The following CCNB3 variants were observed in gnomAD, a reference collection of about 807,000 sequenced individuals.
CCNB3 encodes G2/mitotic-specific cyclin-B3.
Under a neutral mutation model 68.0 loss-of-function variants are expected in CCNB3, and 12 were observed. The ratio of observed to expected loss-of-function variants is 0.18; its 90% CI spans 0.11 to 0.29. CCNB3 has a LOEUF of 0.29. Among genes scored for constraint, CCNB3 ranks in the 10% least tolerant of loss-of-function variants. CCNB3 has a pLI of 1.00. For missense variants in CCNB3, 904 were observed against 993.1 expected (o/e 0.91, Z 1.21); for synonymous variants, 354 against 388.9 (o/e 0.91, Z 1.06).
At chrX:50,345,909 T>G (rs1451580904) in intron 9 of CCNB3, among the ~76,000 whole-genome samples, 2 of 111,769 alleles carry the variant, frequency 1.8e-5, no homozygotes, top group African/African-American at 6.5e-5. Context: ...AGGGGAAAGG[T>G]GGGGGAAGAA....
chrX:50,313,967 G>A lies in CCNB3; in HGVS notation c.3516+19G>A, dbSNP rs376134289. The A allele has an allele frequency of 1.5e-5, 17 of 1,103,753 alleles. No individual in the cohort carries two copies. Among genetic ancestry groups the A allele is most frequent in the African/African-American group, 1.1e-4 (6 of 55,234 alleles). 91.0% of individuals were successfully genotyped at this position (1,103,753 alleles called of 1,213,427 possible). A position where few individuals can be genotyped will look rare whatever the true frequency, so the allele number is the denominator to read the frequency against. ...GGTGCAGGTAAGCCTGACAACTCCT[G>A]CCTTAAGGAGCTGCTGTTCTCTTTC... is the stretch of plus-strand genomic sequence containing the variant. On this transcript the variant is annotated intron_variant, in intron 8 of 12. Transcript: ENST00000376042.
chrX:50,322,294 C>T (rs1557216665), intron 8 of CCNB3, among the ~76,000 whole-genome samples: 1 of 110,693 alleles, frequency 9.0e-6, no homozygotes, highest in African/African-American at 3.3e-5. Context: ...TGATCTTTGA[C>T]AAACCTGACA....
chrX:50,315,644 G>A (rs1286424499), intron 8 of CCNB3, among the ~76,000 whole-genome samples: 1 of 111,228 alleles, frequency 9.0e-6, no homozygotes, highest in East Asian at 2.8e-4. Context: ...GATCACATTT[G>A]TAAATAAATA....
At position 50,310,039 on chromosome X, in the gene CCNB3, T is replaced by A; in HGVS notation, c.1870T>A (p.Phe624Ile). Residue 624 changes from phenylalanine to isoleucine, a missense_variant, in exon 6 of 13, where the codon TTT (phenylalanine) becomes ATT (isoleucine). Around this residue, in one of 2 missense-constraint regions of CCNB3, gnomAD observed 619 missense variants for 609.8 expected, o/e 1.02. Transcript: ENST00000376042. ...EESFYKKLLP[F>I]KMKSTTEEKF... is the part of the protein sequence containing the mutation. ...GTCATTCTATAAGAAGCTGTTGCCCTTTAAGATGAAATCTACAACGGAAGA... is the reference window on the plus strand; with the variant it reads ...GTCATTCTATAAGAAGCTGTTGCCCATTAAGATGAAATCTACAACGGAAGA... The A allele has an allele frequency of 8.3e-7, 1 of 1,209,634 alleles. No homozygotes were observed. The highest frequency in any genetic ancestry group is 1.1e-6 in the Non-Finnish European group (1 of 894,079).
chrX:50,280,176 T>C (rs1386652580), intron 1 of CCNB3, among the ~76,000 whole-genome samples: 4 of 92,597 alleles, frequency 4.3e-5, no homozygotes, highest in African/African-American at 1.2e-4. Flanking sequence ...ATATAGAATA[T>C]ATATATAAAT....
chrX:50,280,465 A>T (rs1936118498), intron 1 of CCNB3, among the ~76,000 whole-genome samples: 1 of 109,162 alleles, frequency 9.2e-6, no homozygotes. Flanking sequence ...TGGCAATAAT[A>T]CAAGGATCTT....
intron 5 of CCNB3, among the ~76,000 whole-genome samples, chrX:50,304,656 A>T (rs781914485): frequency 8.9e-6 from 1 of 112,030 alleles, no homozygotes; most frequent in South Asian, 3.8e-4. Context: ...GACAAATGGG[A>T]TCTAATTAAA....
In CCNB3 at chrX:50,311,580, T is replaced by G. The variant is rs185037732; in HGVS notation, c.3327+84T>G. 1.4e-3 allele frequency: 1,016 copies of G among 734,140 alleles called. 15 individuals are homozygous for G. The East Asian group carries it at 0.025, about 18-fold the overall frequency. The allele number at this position is 734,140 out of a possible 1,213,427, so 60.5% of individuals were successfully genotyped here. A position where few individuals can be genotyped will look rare whatever the true frequency, so the allele number is the denominator to read the frequency against. On this transcript the variant is annotated intron_variant, in intron 6 of 12. Coordinates refer to ENST00000376042, the MANE Select transcript of CCNB3 (RefSeq NM_033031.3). Reference sequence around the variant, plus strand: ...GCTGCTAGCAAAGTTGTTTTTTTTTTTTTGTTTTTGTTTTTTGTTGTTGTT... The same window carrying G: ...GCTGCTAGCAAAGTTGTTTTTTTTTGTTTGTTTTTGTTTTTTGTTGTTGTT...
chrX:50,280,161 AAT>A (rs1186478117), intron 1 of CCNB3, among the ~76,000 whole-genome samples: 5 of 91,743 alleles, frequency 5.5e-5, no homozygotes, highest in African/African-American at 1.6e-4. Context: ...AATATATATA[AAT>A]ATATATAGAA....
chrX:50,300,774 T>C (rs1463216202), intron 5 of CCNB3, among the ~76,000 whole-genome samples: 1 of 112,093 alleles, frequency 8.9e-6, no homozygotes, highest in African/African-American at 3.2e-5. Flanking sequence ...GGTACAGCAA[T>C]TAGGCGTAGA....
chrX:50,227,618 A>G (rs1935906040), intron 1 of CCNB3, among the ~76,000 whole-genome samples: 1 of 49,186 alleles, frequency 2.0e-5, no homozygotes, highest in African/African-American at 7.2e-5. Context: ...ATATATAAAT[A>G]TATATAGAGA....
intron 8 of CCNB3, among the ~76,000 whole-genome samples, chrX:50,332,543 C>T (rs1271368175): frequency 9.0e-6 from 1 of 111,570 alleles, no homozygotes; most frequent in African/African-American, 3.3e-5. Flanking sequence ...TTCGGCTGTG[C>T]GTAGACCAGT....
At position 50,226,904 on chromosome X, in the gene CCNB3, A is replaced by AATATATAGTATATATATAGAAT. The variant is rs1935848128; in HGVS notation, c.-113+22026_-113+22047dup. On this transcript the variant is annotated intron_variant, in intron 1 of 12. Coordinates refer to ENST00000376042, the MANE Select transcript of CCNB3 (RefSeq NM_033031.3). ...TATAGAATATATAGTATATATATAG[A>AATATATAGTATATATATAGAAT]ATATATAGTATATATATAGAATATA... 4.4e-3 allele frequency among the ~76,000 whole-genome samples: 240 copies of AATATATAGTATATATATAGAAT among 54,297 alleles called. 43 individuals carry two copies. Among genetic ancestry groups the AATATATAGTATATATATAGAAT allele is most frequent in the African/African-American group, 0.011 (102 of 9,505 alleles). The allele number at this position is 54,297 out of a possible 115,157, so 47.2% of individuals were successfully genotyped here.
chrX:50,321,556 A>G (rs1336100232), intron 8 of CCNB3, among the ~76,000 whole-genome samples: 1 of 111,676 alleles, frequency 9.0e-6, no homozygotes, highest in Non-Finnish European at 1.9e-5. Flanking sequence ...TGACACCTTT[A>G]TCATAATACT....
intron 5 of CCNB3, among the ~76,000 whole-genome samples, chrX:50,300,841 T>A (rs1454532398): frequency 9.0e-6 from 1 of 111,651 alleles, no homozygotes; most frequent in Admixed American, 9.5e-5. Context: ...TTCTTTGTAT[T>A]CTTTTTCTCT....
intron 9 of CCNB3, among the ~76,000 whole-genome samples, chrX:50,346,081 T>G (rs1923390074): frequency 1.8e-5 from 2 of 112,095 alleles, no homozygotes; most frequent in African/African-American, 6.5e-5. Flanking sequence ...TGGCCCTTCC[T>G]TGTCTGACCT....
intron 8 of CCNB3, among the ~76,000 whole-genome samples, chrX:50,340,661 C>T (rs1237018115): frequency 1.8e-5 from 2 of 112,094 alleles, no homozygotes; most frequent in African/African-American, 6.5e-5. Context: ...GTATTATCTA[C>T]TTGATAAGAT....
chrX:50,206,933 G>A (rs1439067837), intron 1 of CCNB3, among the ~76,000 whole-genome samples: 2 of 111,033 alleles, frequency 1.8e-5, no homozygotes, highest in Non-Finnish European at 3.8e-5. Flanking sequence ...ATGAATCGGG[G>A]TAATGACTTC....
rs1557221117 is a variant in CCNB3 at position 50,351,286 on chromosome X, C to T, written c.4006C>T (p.His1336Tyr). Residue 1336 changes from histidine to tyrosine, a missense_variant, in exon 12 of 13, where the codon CAC becomes TAC. Coordinates refer to ENST00000376042, the MANE Select transcript of CCNB3 (RefSeq NM_033031.3). ...HYSGYSISEL[H>Y]PLVRQLNKLL... is the part of the protein sequence containing the mutation. ...CAGTGGCTACAGTATCTCTGAGCTT[C>T]ACCCCTTGGTCAGACAGCTGAACAA... 2.5e-6 allele frequency: 3 copies of T among 1,208,598 alleles called. No homozygotes were observed. Among genetic ancestry groups the T allele is most frequent in the Non-Finnish European group, 3.4e-6 (3 of 893,995 alleles).
Sources: gnomAD v4.1 joint callset for allele counts (sites outside exome capture counted in the v4.1 genomes callset) on GRCh38, gnomAD v4.1.1 for gene constraint, gnomAD v4.1.1 regional missense constraint, MANE v1.5 for transcripts, NCBI Gene and HGNC (gene_info 2026-07-23, HGNC 2026-07-21) for gene names.